Variants in MIB1 observed in about 807,000 individuals in gnomAD.
MIB1 encodes the protein E3 ubiquitin-protein ligase MIB1.
MIB1 carries 278 observed loss-of-function variants against 124.5 expected under a neutral mutation model. The ratio of observed to expected loss-of-function variants is 2.23; its 90% CI spans 2.02 to 2.47. The LOEUF is 2.47. Among genes scored for constraint, MIB1 ranks in the 30% most tolerant of loss-of-function variants. The pLI, the probability that MIB1 is intolerant of heterozygous loss-of-function variation, is 0.00. For missense variants in MIB1, 957 were observed against 1,254.4 expected (o/e 0.76, Z 3.58); for synonymous variants, 446 against 429.4 (o/e 1.04, Z -0.48).
At chr18:21,798,302 T>C (rs2041609567) in intron 8 of MIB1, 74 bp downstream of exon 8, 1 of 1,425,864 alleles carries the variant, frequency 7.0e-7, no homozygotes, top group African/African-American at 1.4e-5. Context: ...CCAGTTCTCA[T>C]ATACAGATAA....
chr18:21,835,165 A>T (rs189992267), intron 12 of MIB1, among the ~76,000 whole-genome samples: 3 of 152,210 alleles, frequency 2.0e-5, no homozygotes, highest in African/African-American at 7.2e-5. Flanking sequence ...ATGTTCTTTT[A>T]AAAGTGTATT....
At chr18:21,823,935 A>G (rs923517186) in intron 12 of MIB1, among the ~76,000 whole-genome samples, 1 of 152,130 alleles carries the variant, frequency 6.6e-6, no homozygotes, top group African/African-American at 2.4e-5. Flanking sequence ...GTGAAAACTG[A>G]ATTTCTTTGG....
chr18:21,822,134 CTG>C (rs970993545), intron 12 of MIB1, among the ~76,000 whole-genome samples: 5 of 152,128 alleles, frequency 3.3e-5, no homozygotes, highest in South Asian at 2.1e-4. Context: ...TGTAGAGAAA[CTG>C]TGTTAGGAAT....
chr18:21,794,442 C>CCTCTCTCT (rs147293733), intron 7 of MIB1, among the ~76,000 whole-genome samples: 216 of 144,952 alleles, frequency 1.5e-3, no homozygotes, highest in Admixed American at 2.0e-3. Flanking sequence ...CATTAAATAG[C>CCTCTCTCT]CTCTCTCTCT....
At chr18:21,804,250 T>A (rs2041680259) in intron 10 of MIB1, among the ~76,000 whole-genome samples, 1 of 152,238 alleles carries the variant, frequency 6.6e-6, no homozygotes, top group African/African-American at 2.4e-5. Flanking sequence ...TACTGTGGTG[T>A]AACCATCATG....
upstream of MIB1, among the ~76,000 whole-genome samples, chr18:21,740,759 C>A (rs34318586): frequency 2.9e-3 from 437 of 152,374 alleles, 1 homozygote; most frequent in Admixed American, 6.2e-3. Context: ...CAACCGTCCG[C>A]CCTTTTTCTA....
chr18:21,765,934 G>T lies in MIB1; in HGVS notation c.392G>T (p.Gly131Val). 1 of 1,614,072 alleles carries T rather than the reference G, an allele frequency of 6.2e-7. No homozygotes were observed. The highest frequency in any genetic ancestry group is 8.5e-7 in the Non-Finnish European group (1 of 1,179,936). Residue 131 changes from glycine (G) to valine (V), a missense_variant, in exon 2 of 21, where the codon GGA becomes GTA. Gly to Val is a moderately radical substitution (Grantham distance 109). Coordinates refer to ENST00000261537, the MANE Select transcript of MIB1 (RefSeq NM_020774.4). ...RHRFYRITTP[G>V]SERVLLESRR... The stretch of plus-strand genomic sequence containing the variant: ...CGCTTTTACCGAATTACTACACCGG[G>T]AAGTGAGAGGTAGGGAGAACCCTTT...
chr18:21,706,598 G>A (rs990153394), intron 1 of MIB1, among the ~76,000 whole-genome samples: 1 of 152,170 alleles, frequency 6.6e-6, no homozygotes, highest in Non-Finnish European at 1.5e-5. Context: ...GGCTCGGCGG[G>A]CCCTGCACTC....
chr18:21,811,493 G>T (rs2041773000), intron 10 of MIB1, among the ~76,000 whole-genome samples: 1 of 152,146 alleles, frequency 6.6e-6, no homozygotes, highest in African/African-American at 2.4e-5. Flanking sequence ...AAGAATGGAT[G>T]AGCAAAATGT....
intron 18 of MIB1, chr18:21,854,859 A>C (rs576903167): frequency 1.4e-3 from 301 of 216,768 alleles, no homozygotes; most frequent in Non-Finnish European, 2.4e-3. Flanking sequence ...CACACGCCAC[A>C]TGCAGACATT....
intron 3 of MIB1, among the ~76,000 whole-genome samples, chr18:21,768,964 C>T (rs529606552): frequency 6.6e-6 from 1 of 152,170 alleles, no homozygotes; most frequent in South Asian, 2.1e-4. Context: ...GTAGGTTTTA[C>T]CTTCCCACCT....
At chr18:21,729,546 G>A (rs372535977) in intron 1 of MIB1, among the ~76,000 whole-genome samples, 27 of 152,200 alleles carry the variant, frequency 1.8e-4, no homozygotes, top group South Asian at 1.0e-3. Context: ...GTGGAGTGCA[G>A]TGGCATGATC....
intron 12 of MIB1, among the ~76,000 whole-genome samples, chr18:21,831,748 A>G (rs1568219119): frequency 6.6e-6 from 1 of 152,050 alleles, no homozygotes; most frequent in Non-Finnish European, 1.5e-5. Flanking sequence ...CGCTGAGACT[A>G]GGAAAGCCTG....
At position 21,857,137 on chromosome 18, in the gene MIB1, T is replaced by G. The variant is rs143751463; in HGVS notation, c.2673T>G (p.Ala891=). ...CGHMCACENC[A]NLMKKCVQCR... is the part of the protein sequence containing the mutation. ...TGTGTTACCGTTTTCCAGACTGTGC[T>G]AACCTGATGAAAAAGTGTGTGCAGT... The change falls in exon 19 of 21, where the codon GCT becomes GCG. Residue 891 remains alanine (A), a synonymous_variant. Transcript: ENST00000261537. 13 of 1,613,346 alleles carry G rather than the reference T, an allele frequency of 8.1e-6. No individual in the cohort carries two copies. In the African/African-American group the frequency reaches 1.7e-4, roughly 21 times the overall value.
chr18:21,859,287 T>A (rs901379240), intron 20 of MIB1, among the ~76,000 whole-genome samples: 2 of 151,284 alleles, frequency 1.3e-5, no homozygotes, highest in Admixed American at 1.3e-4. Context: ...CCCAACTACT[T>A]GGAGGCTGAG....
intron 1 of MIB1, among the ~76,000 whole-genome samples, chr18:21,735,129 G>T (rs893687518): frequency 6.6e-6 from 1 of 152,204 alleles, no homozygotes; most frequent in East Asian, 1.9e-4. Context: ...CCCGTCTGCA[G>T]CTCCCAGCGA....
In MIB1 at chr18:21,819,692, C is replaced by G. The variant is rs546141425; in HGVS notation, c.1829+46C>G. 10 of 1,330,640 alleles carry G rather than the reference C, an allele frequency of 7.5e-6. No individual in the cohort carries two copies. The African/African-American group carries it at 1.0e-4, about 14-fold the overall frequency. The allele number at this position is 1,330,640 out of a possible 1,614,324, so 82.4% of individuals were successfully genotyped here. A position where few individuals can be genotyped will look rare whatever the true frequency, so the allele number is the denominator to read the frequency against. On this transcript the variant is annotated intron_variant, in intron 12 of 20. Transcript: ENST00000261537. ...TTAGGTGCAATTCAAAAATATTTTC[C>G]TACTGTTGATTCTCTTTTTCTGATA...
chr18:21,799,892 AC>A lies in MIB1; in HGVS notation c.1291del (p.Leu431SerfsTer5), dbSNP rs763735960. The A allele has an allele frequency of 6.2e-7, 1 of 1,612,442 alleles. No individual in the cohort carries two copies. The highest frequency in any genetic ancestry group is 8.5e-7 in the Non-Finnish European group (1 of 1,178,862). ...TTATTTGAAACCCAAGAATCTGGTG[AC>A]CTCAATGAAGAATTAGTTAAGGCTG... is the stretch of plus-strand genomic sequence containing the variant. Reference protein sequence around the residue: ...KKLFETQESGDLNEELVKAAA... With the variant: ...KKLFETQESGXLNEELVKAAA... On this transcript the variant is annotated frameshift_variant, in exon 9 of 21. Transcript: ENST00000261537. LOFTEE classifies it high-confidence loss of function.
intron 11 of MIB1, among the ~76,000 whole-genome samples, chr18:21,818,064 G>GATTGCTAA (rs1337252744): frequency 2.0e-5 from 3 of 152,160 alleles, no homozygotes; most frequent in Non-Finnish European, 4.4e-5. Flanking sequence ...GGTAGACTGA[G>GATTGCTAA]ATTGCTAAAT....
Sources: gnomAD v4.1 joint callset for allele counts (sites outside exome capture counted in the v4.1 genomes callset) on GRCh38, gnomAD v4.1.1 for gene constraint, MANE v1.5 for transcripts, NCBI Gene and HGNC (gene_info 2026-07-23, HGNC 2026-07-21) for gene names.